CDH18: variants seen among roughly 807,000 people sequenced by gnomAD.
CDH18 encodes the protein cadherin-18.
CDH18 carries 31 observed loss-of-function variants against 67.9 expected under a neutral mutation model. That is an observed-to-expected ratio of 0.46 (90% CI 0.34 to 0.62). CDH18 has a LOEUF of 0.62. Ranked by LOEUF, CDH18 falls within the 20% of genes least tolerant of loss-of-function variation. The pLI is 0.01. For synonymous variants in CDH18, 362 were observed against 347.2 expected (o/e 1.04, Z -0.48); for missense variants, 890 against 975.5 (o/e 0.91, Z 1.17).
intron 3 of CDH18, among the ~76,000 whole-genome samples, chr5:19,806,612 C>A (rs528107002): frequency 6.6e-6 from 1 of 152,252 alleles, no homozygotes; most frequent in East Asian, 1.9e-4. Flanking sequence ...ATACATGTTA[C>A]AAGTATGTCT....
intron 2 of CDH18, among the ~76,000 whole-genome samples, chr5:20,067,037 A>G (rs555093885): frequency 6.6e-6 from 1 of 151,968 alleles, no homozygotes; most frequent in Non-Finnish European, 1.5e-5. Flanking sequence ...AAAAAATAAT[A>G]CAAATAAAAA....
At chr5:19,910,704 C>CT (rs1791040474) in intron 2 of CDH18, among the ~76,000 whole-genome samples, 1 of 151,998 alleles carries the variant, frequency 6.6e-6, no homozygotes, top group African/African-American at 2.4e-5. Context: ...ATCATCTATT[C>CT]AAAAAATAGT....
chr5:19,755,557 A>G (rs201102444), intron 3 of CDH18, among the ~76,000 whole-genome samples: 4 of 131,574 alleles, frequency 3.0e-5, no homozygotes, highest in African/African-American at 1.0e-4. Flanking sequence ...TATATATTTT[A>G]TATATAATAA....
chr5:20,127,214 C>T (rs115849973), intron 2 of CDH18, among the ~76,000 whole-genome samples: 2,672 of 151,520 alleles, frequency 0.018, 96 homozygotes, highest in African/African-American at 0.061. Flanking sequence ...TTTTCTCTTT[C>T]TCTCTCTCCT....
chr5:20,306,177 G>C (rs1736433843), intron 1 of CDH18, among the ~76,000 whole-genome samples: 1 of 152,106 alleles, frequency 6.6e-6, no homozygotes, highest in African/African-American at 2.4e-5. Context: ...AAAACATAAA[G>C]GAAAATACAT....
chr5:19,708,456 G>A (rs551836058), intron 5 of CDH18, among the ~76,000 whole-genome samples: 3 of 152,118 alleles, frequency 2.0e-5, no homozygotes, highest in Non-Finnish European at 4.4e-5. Flanking sequence ...AAAAAAAAAG[G>A]GGGGGACATG....
Position 19,520,606 on chromosome 5 carries a change from G to T in CDH18, c.1512+51C>A, listed in dbSNP as rs752738386. The T allele has an allele frequency of 2.6e-6, 4 of 1,513,792 alleles. No homozygotes were observed. In the African/African-American group the frequency reaches 5.7e-5, roughly 22 times the overall value. The allele number at this position is 1,513,792 out of a possible 1,614,324, so 93.8% of individuals were successfully genotyped here. A position where few individuals can be genotyped will look rare whatever the true frequency, so the allele number is the denominator to read the frequency against. On this transcript the variant is annotated intron_variant, in intron 10 of 12. Coordinates refer to ENST00000382275, the MANE Select transcript of CDH18 (RefSeq NM_004934.5). ...ATACCTAAGAATAATAAAAATAAAG[G>T]CGCTTGCATTTATTCCATTCAAATG...
intron 5 of CDH18, among the ~76,000 whole-genome samples, chr5:19,655,202 ATGCAT>A (rs1212276754): frequency 6.6e-6 from 1 of 152,176 alleles, no homozygotes; most frequent in Non-Finnish European, 1.5e-5. Context: ...GTATATGTAT[ATGCAT>A]ACCACATCCT....
intron 9 of CDH18, among the ~76,000 whole-genome samples, chr5:19,532,398 T>C (rs1223011777): frequency 1.3e-5 from 2 of 152,186 alleles, no homozygotes; most frequent in East Asian, 3.8e-4. Context: ...TTCTGATGAT[T>C]AACATTTTTT....
At chr5:20,185,983 AG>A (rs1323837316) in intron 2 of CDH18, among the ~76,000 whole-genome samples, 1 of 152,080 alleles carries the variant, frequency 6.6e-6, no homozygotes, top group Non-Finnish European at 1.5e-5. Flanking sequence ...AGGGGAGAAG[AG>A]GAAAATGGTA....
At chr5:20,381,851 G>A (rs1347122847) in intron 1 of CDH18, among the ~76,000 whole-genome samples, 6 of 151,948 alleles carry the variant, frequency 3.9e-5, no homozygotes, top group Admixed American at 2.0e-4. Context: ...ATATTTTTAC[G>A]GATTAGCTAG....
At chr5:20,249,266 G>C (rs1263480542) in intron 2 of CDH18, among the ~76,000 whole-genome samples, 1 of 151,338 alleles carries the variant, frequency 6.6e-6, no homozygotes, top group African/African-American at 2.4e-5. Flanking sequence ...GTATAAACCT[G>C]TATAAATTAT....
chr5:20,239,899 T>C (rs1742762609), intron 2 of CDH18, among the ~76,000 whole-genome samples: 4 of 151,264 alleles, frequency 2.6e-5, no homozygotes, highest in South Asian at 4.2e-4. Context: ...GGTAAAAAAG[T>C]GTTGAAATAA....
At chr5:20,183,652 C>A (rs1411668979) in intron 2 of CDH18, among the ~76,000 whole-genome samples, 1 of 151,940 alleles carries the variant, frequency 6.6e-6, no homozygotes, top group Non-Finnish European at 1.5e-5. Flanking sequence ...TTTTGTTTAT[C>A]TTTAATATAG....
chr5:20,172,921 C>T (rs1431173923), intron 2 of CDH18, among the ~76,000 whole-genome samples: 2 of 150,382 alleles, frequency 1.3e-5, no homozygotes, highest in East Asian at 2.0e-4. Flanking sequence ...ACCCGAGAGG[C>T]GGAGGTTGCA....
At chr5:19,878,724 A>G (rs905728047) in intron 2 of CDH18, among the ~76,000 whole-genome samples, 1 of 152,100 alleles carries the variant, frequency 6.6e-6, no homozygotes, top group Non-Finnish European at 1.5e-5. Context: ...CTACAACTAC[A>G]TAATTTGTAA....
At chr5:19,543,651 G>A (rs183701350) in intron 9 of CDH18, among the ~76,000 whole-genome samples, 92 of 152,192 alleles carry the variant, frequency 6.0e-4, no homozygotes, top group African/African-American at 2.0e-3. Flanking sequence ...GTTCTGTGAT[G>A]CCACTTTTCC....
At chr5:20,196,166 TCACAATTTTC>T (rs1738958926) in intron 2 of CDH18, among the ~76,000 whole-genome samples, 1 of 152,152 alleles carries the variant, frequency 6.6e-6, no homozygotes, top group Non-Finnish European at 1.5e-5. Flanking sequence ...TTGTTTTTCA[TCACAATTTTC>T]CTTTCTGACA....
chr5:20,115,435 T>C lies in CDH18; in HGVS notation c.-517-123421A>G, dbSNP rs533012970. On this transcript the variant is annotated intron_variant, in intron 2 of 14. Transcript: ENST00000507958. ...CTGGGACTACAGGCATGCACCACCA[T>C]GCCCAGCTAATTTTTGTACTTTTAG... Among the ~76,000 whole-genome samples, 7 of 151,688 alleles carry C rather than the reference T, an allele frequency of 4.6e-5. No individual in the cohort carries two copies. In the South Asian group the frequency reaches 1.0e-3, roughly 23 times the overall value.
Sources: allele counts gnomAD v4.1 joint callset (sites outside exome capture counted in the v4.1 genomes callset), GRCh38; gene constraint gnomAD v4.1.1; transcripts MANE v1.5; gene names NCBI Gene and HGNC (gene_info 2026-07-23, HGNC 2026-07-21).